Variants in LAMC3 observed in about 807,000 individuals in gnomAD.
The protein encoded by LAMC3 is laminin subunit gamma-3.
LAMC3 carries 128 observed loss-of-function variants against 173.8 expected under a neutral mutation model. The ratio of observed to expected loss-of-function variants is 0.74; its 90% CI spans 0.64 to 0.85. LAMC3 has a LOEUF of 0.85. LAMC3 is among the 40% of genes least tolerant of loss of function. The probability of loss-of-function intolerance (pLI) is 0.00; values close to 1 mark genes in which losing one functional copy is unlikely to be tolerated. For synonymous variants in LAMC3, 897 were observed against 909.1 expected, an observed-to-expected ratio of 0.99 and a Z score of 0.24; for missense variants, 2,022 against 2,156.0, an observed-to-expected ratio of 0.94 and a Z score of 1.23.
chr9:131,085,772 A>G, intron 25 of LAMC3, 49 bp downstream of exon 25: 1 of 1,570,606 alleles, frequency 6.4e-7, no homozygotes, highest in South Asian at 1.1e-5. Flanking sequence ...TCCCGGGGGG[A>G]CCGCCCTTCC....
chr9:131,035,441 C>G (rs949116783), intron 3 of LAMC3, among the ~76,000 whole-genome samples: 1 of 148,472 alleles, frequency 6.7e-6, no homozygotes, highest in Non-Finnish European at 1.5e-5. Context: ...GTGGGGCTGA[C>G]GGGTGGGTGC....
intron 13 of LAMC3, among the ~76,000 whole-genome samples, chr9:131,061,910 G>T (rs566616282): frequency 6.6e-6 from 1 of 152,056 alleles, no homozygotes; most frequent in East Asian, 1.9e-4. Context: ...AATTAGCTGG[G>T]TGTGGTGGCA....
intron 24 of LAMC3, among the ~76,000 whole-genome samples, chr9:131,082,566 G>A (rs1830260872): frequency 6.6e-6 from 1 of 152,232 alleles, no homozygotes; most frequent in Non-Finnish European, 1.5e-5. Flanking sequence ...TTTAGAAGGG[G>A]CTATGGGTTG....
At chr9:131,052,731 T>A in intron 10 of LAMC3, 48 bp downstream of exon 10, 1 of 1,551,230 alleles carries the variant, frequency 6.4e-7, no homozygotes, top group Non-Finnish European at 8.9e-7. Context: ...AGAGGGGTGG[T>A]CTCTGAGGTC....
At chr9:131,077,459 C>T (rs1830151381) in intron 22 of LAMC3, 125 bp downstream of exon 22, 3 of 1,240,024 alleles carry the variant, frequency 2.4e-6, no homozygotes, top group Admixed American at 3.9e-5. Context: ...GGTGGATCAC[C>T]TGAGGTCAGG....
intron 9 of LAMC3, among the ~76,000 whole-genome samples, chr9:131,051,236 T>C (rs1834281625): frequency 6.6e-6 from 1 of 152,208 alleles, no homozygotes; most frequent in Non-Finnish European, 1.5e-5. Context: ...ACACTTTTTT[T>C]CCCCTGCAGT....
At chr9:131,027,874 C>T (rs1373194338) in intron 2 of LAMC3, among the ~76,000 whole-genome samples, 10 of 152,214 alleles carry the variant, frequency 6.6e-5, no homozygotes, top group African/African-American at 2.2e-4. Flanking sequence ...CCAGTTCAGC[C>T]CACGTAGGTC....
chr9:131,049,078 C>A lies in LAMC3; in HGVS notation c.1578C>A (p.Ser526Arg), dbSNP rs1344448088. 6.4e-7 allele frequency: 1 copy of A among 1,552,356 alleles called. No homozygotes were observed. The highest frequency in any genetic ancestry group is 8.7e-7 in the Non-Finnish European group (1 of 1,147,334). Residue 526 changes from serine (S) to arginine (R), a missense_variant, in exon 9 of 28, where the codon AGC becomes AGA. Transcript: ENST00000361069. ...GCTCTGAGCACCCCCCACAATGGAG[C>A]CCAAATGGGGTCCTCCTGAGCCCAG... ...VGGSEHPPQW[S>R]PNGVLLSPED...
rs549571692 is a variant in LAMC3, at chr9:131,063,889, A to G, written c.2347+2666A>G. 3.9e-5 allele frequency among the ~76,000 whole-genome samples: 6 copies of G among 152,034 alleles called. No homozygotes were observed. The East Asian group carries it at 7.7e-4, about 20-fold the overall frequency. ...CGTTCCGTTCCGCCTTTTCCTTTTC[A>G]GGGTTGCCCTTAGCACTATTAACTT... On this transcript the variant is annotated intron_variant, in intron 13 of 27. Coordinates refer to ENST00000361069, the MANE Select transcript of LAMC3 (RefSeq NM_006059.4).
At chr9:131,070,218 G>C (rs761538015) in intron 17 of LAMC3, among the ~76,000 whole-genome samples, 1 of 152,210 alleles carries the variant, frequency 6.6e-6, no homozygotes, top group Non-Finnish European at 1.5e-5. Flanking sequence ...GCAGAAGTCC[G>C]GAGTTCAAGC....
intron 9 of LAMC3, among the ~76,000 whole-genome samples, chr9:131,050,029 A>G (rs925360452): frequency 6.6e-6 from 1 of 152,160 alleles, no homozygotes; most frequent in African/African-American, 2.4e-5. Flanking sequence ...GTGGCTGAGG[A>G]GCCGTGTGCC....
chr9:131,091,434 A>C (rs1830422673), intron 27 of LAMC3, 103 bp from the exon 28 acceptor site: 1 of 1,458,590 alleles, frequency 6.9e-7, no homozygotes, highest in African/African-American at 1.4e-5. Context: ...GGGCCATTGG[A>C]ATCCTGGGAG....
chr9:131,087,995 A>G (rs971416245), intron 27 of LAMC3, among the ~76,000 whole-genome samples, 178 bp downstream of exon 27: 4 of 152,166 alleles, frequency 2.6e-5, no homozygotes, highest in African/African-American at 9.7e-5. Context: ...CCCCCTTGCC[A>G]TGTGGGACAG....
At position 131,034,349 on chromosome 9, in the gene LAMC3, TG is replaced by T. The variant is rs891706870; in HGVS notation, c.810-1813del. On this transcript the variant is annotated intron_variant, in intron 3 of 27. Coordinates refer to ENST00000361069, the MANE Select transcript of LAMC3 (RefSeq NM_006059.4). Reference sequence around the variant, plus strand: ...GCGCCTGCCTCACCCCAAGAAACCCTGGGGTGCTGCCTGCCTAAACTGGGCC... The same window carrying T: ...GCGCCTGCCTCACCCCAAGAAACCCTGGGTGCTGCCTGCCTAAACTGGGCC... Among the ~76,000 whole-genome samples the T allele has an allele frequency of 1.8e-4, 27 of 152,218 alleles. 1 individual carries two copies. The highest frequency in any genetic ancestry group is 3.3e-4 in the Admixed American group (5 of 15,292).
rs1830147629 is a variant in LAMC3, at chr9:131,077,321, C to T, written c.3764C>T (p.Ser1255Phe). Reference protein sequence around the residue: ...DTAPYLALLASPGALPQKSRA... With the variant: ...DTAPYLALLAFPGALPQKSRA... ...GCCCCGTACCTGGCCTTGCTGGCTT[C>T]CCCGGGAGCTCTGGTCAGCTCAGTT... The change falls in exon 22 of 28, where the codon TCC becomes TTC. Residue 1255 changes from serine (S) to phenylalanine (F), a missense_variant. By Grantham distance (155) the Ser-to-Phe change is radical. Transcript: ENST00000361069. 2 of 1,613,662 alleles carry T rather than the reference C, an allele frequency of 1.2e-6. No individual in the cohort carries two copies. Among genetic ancestry groups the T allele is most frequent in the Non-Finnish European group, 1.7e-6 (2 of 1,180,028 alleles).
intron 27 of LAMC3, among the ~76,000 whole-genome samples, chr9:131,089,750 T>G (rs1348286463): frequency 3.9e-5 from 6 of 152,162 alleles, no homozygotes; most frequent in Admixed American, 3.9e-4. Context: ...TTCACCCATG[T>G]GGCAGCAAGC....
rs1830463538 is a variant in LAMC3 at position 131,093,780 on chromosome 9, C to G, written c.*1993C>G. ...TCTCTTCTTGGTCTGTGTCTCTGCT[C>G]TCCTCTCCTGTATCTGCTTCGTTCT... On this transcript the variant is annotated 3_prime_UTR_variant, in exon 28 of 28. Transcript: ENST00000361069. 1 of 152,436 alleles carries G rather than the reference C, an allele frequency of 6.6e-6. No homozygotes were observed. Among genetic ancestry groups the G allele is most frequent in the Non-Finnish European group, 1.5e-5 (1 of 68,248 alleles). The allele number at this position is 152,436 out of a possible 1,614,324, so 9.4% of individuals were successfully genotyped here. A position where few individuals can be genotyped will look rare whatever the true frequency, so the allele number is the denominator to read the frequency against.
At position 131,073,313 on chromosome 9, in the gene LAMC3, C is replaced by T. The variant is rs368499727; in HGVS notation, c.3486C>T (p.Leu1162=). Residue 1162 remains leucine (L), a synonymous_variant, in exon 20 of 28, where the codon CTC becomes CTT. Coordinates refer to ENST00000361069, the MANE Select transcript of LAMC3 (RefSeq NM_006059.4). The part of the protein sequence containing the change: ...WSHLATEARA[L]ARSHRDTATK... ...ACCTGGCCACAGAGGCCCGTGCCCTCGCCAGGAGGTGAGTCCCAAGACATG... is the reference window on the plus strand; with the variant it reads ...ACCTGGCCACAGAGGCCCGTGCCCTTGCCAGGAGGTGAGTCCCAAGACATG... 6.1e-5 allele frequency: 98 copies of T among 1,613,376 alleles called. No individual in the cohort carries two copies. The highest frequency in any genetic ancestry group is 7.4e-5 in the Non-Finnish European group (87 of 1,179,542).
intron 11 of LAMC3, among the ~76,000 whole-genome samples, chr9:131,055,423 C>CTTTTTTTTTTTT (rs56220728): frequency 2.6e-4 from 28 of 109,220 alleles, no homozygotes; most frequent in African/African-American, 3.2e-4. Flanking sequence ...TCTTTTCTTT[C>CTTTTTTTTTTTT]TTTTTTTTTT....
Sources: allele counts gnomAD v4.1 joint callset (sites outside exome capture counted in the v4.1 genomes callset), GRCh38; gene constraint gnomAD v4.1.1; transcripts MANE v1.5; gene names NCBI Gene and HGNC (gene_info 2026-07-23, HGNC 2026-07-21).